The following C16orf74 variants were observed in gnomAD, a reference collection of about 807,000 sequenced individuals.
C16orf74 encodes the protein uncharacterized protein C16orf74.
Under a neutral mutation model 6.5 loss-of-function variants are expected in C16orf74, and 10 were observed. The ratio of observed to expected loss-of-function variants is 1.54; its 90% CI spans 0.95 to 2.61. C16orf74 has a LOEUF of 2.61. C16orf74 is among the 30% of genes most tolerant of loss of function. C16orf74 has a pLI of 0.00. For synonymous variants in C16orf74, 60 were observed against 42.5 expected (o/e 1.41, Z -1.60); for missense variants, 141 against 105.9 (o/e 1.33, Z -1.45).
chr16:85,725,075 A>T (rs2054120071), intron 2 of C16orf74, among the ~76,000 whole-genome samples: 1 of 148,038 alleles, frequency 6.8e-6, no homozygotes, highest in East Asian at 2.0e-4. Context: ...TGGGGGGGGG[A>T]CCGGCTAAGT....
chr16:85,735,309 C>G (rs541554395), intron 1 of C16orf74, 74 bp from the exon 2 acceptor site: 2 of 1,141,552 alleles, frequency 1.8e-6, no homozygotes, highest in African/African-American at 1.6e-5. Context: ...GCCGGGCCCC[C>G]ACCCTTGGCC....
At chr16:85,724,582 T>C (rs115479785) in intron 2 of C16orf74, among the ~76,000 whole-genome samples, 2 of 151,630 alleles carry the variant, frequency 1.3e-5, no homozygotes, top group Non-Finnish European at 2.9e-5. Flanking sequence ...GAGCTGAACC[T>C]GCCTGGTGAG....
At chr16:85,746,820 G>T (rs2054378722) in intron 1 of C16orf74, among the ~76,000 whole-genome samples, 1 of 152,200 alleles carries the variant, frequency 6.6e-6, no homozygotes, top group South Asian at 2.1e-4. Flanking sequence ...CACACATGGT[G>T]CTTTTCTTCC....
intron 3 of C16orf74, among the ~76,000 whole-genome samples, 177 bp from the exon 4 acceptor site, chr16:85,708,243 G>A (rs1272063876): frequency 2.6e-5 from 4 of 152,174 alleles, no homozygotes; most frequent in African/African-American, 9.7e-5. Flanking sequence ...TCGGACCCCG[G>A]AACTGCTTCA....
intron 2 of C16orf74, among the ~76,000 whole-genome samples, chr16:85,712,603 T>C (rs1313559044): frequency 6.6e-6 from 1 of 152,208 alleles, no homozygotes; most frequent in Non-Finnish European, 1.5e-5. Flanking sequence ...AGCCATGCCA[T>C]TCAGGCCAAA....
intron 1 of C16orf74, among the ~76,000 whole-genome samples, chr16:85,747,783 C>A (rs2152067470): frequency 6.6e-6 from 1 of 152,220 alleles, no homozygotes; most frequent in African/African-American, 2.4e-5. Context: ...TCAATCAGTA[C>A]ATACAAGATA....
chr16:85,725,429 A>C (rs567265), intron 2 of C16orf74, among the ~76,000 whole-genome samples: 46,555 of 152,120 alleles, frequency 0.31, 7,790 homozygotes, highest in Middle Eastern at 0.46. Flanking sequence ...ATCACCTAGG[A>C]GGCCTCCTAG....
In C16orf74 at chr16:85,742,098, C is replaced by T. The variant is rs118159029; in HGVS notation, c.-18-6863G>A. 4.5e-3 allele frequency among the ~76,000 whole-genome samples: 680 copies of T among 152,226 alleles called. 22 individuals carry two copies. In the East Asian group the frequency reaches 0.076, roughly 17 times the overall value. On this transcript the variant is annotated intron_variant, in intron 1 of 3. Transcript: ENST00000284245. Reference sequence around the variant, plus strand: ...GTTAAAAAGAAGCCTGGTGGCTGGGCGTGGTGGCTCACGCCTGTAATCCTA... The same window carrying T: ...GTTAAAAAGAAGCCTGGTGGCTGGGTGTGGTGGCTCACGCCTGTAATCCTA...
At position 85,719,948 on chromosome 16, in the gene C16orf74, G is replaced by C. The variant is rs182870542; in HGVS notation, c.29-9641C>G. Among the ~76,000 whole-genome samples, 1,050 of 151,794 alleles carry C rather than the reference G, an allele frequency of 6.9e-3. 18 individuals are homozygous for C. Among genetic ancestry groups the C allele is most frequent in the East Asian group, 0.045 (231 of 5,168 alleles). On this transcript the variant is annotated intron_variant, in intron 2 of 3. Transcript: ENST00000284245. ...ACAGAGGGGCCACAGGGGCTGAGCGGGGTGACACTAATCCCTCAGAGATGA... is the reference window on the plus strand; with the variant it reads ...ACAGAGGGGCCACAGGGGCTGAGCGCGGTGACACTAATCCCTCAGAGATGA...
At chr16:85,713,510 T>G (rs1320150930) in intron 2 of C16orf74, among the ~76,000 whole-genome samples, 2 of 152,180 alleles carry the variant, frequency 1.3e-5, no homozygotes, top group Non-Finnish European at 2.9e-5. Flanking sequence ...TGACCTCAGG[T>G]GATCTGCCCA....
intron 1 of C16orf74, among the ~76,000 whole-genome samples, chr16:85,746,565 G>C (rs967676014): frequency 2.6e-5 from 4 of 152,194 alleles, no homozygotes; most frequent in African/African-American, 9.7e-5. Context: ...TGGAGGTCCT[G>C]AGTCACGGTG....
In C16orf74 at chr16:85,710,173, C is replaced by T; in HGVS notation, c.163G>A (p.Gly55Arg). The T allele has an allele frequency of 6.9e-7, 1 of 1,457,378 alleles. No homozygotes were observed. Among genetic ancestry groups the T allele is most frequent in the African/African-American group, 1.5e-5 (1 of 67,120 alleles). The allele number at this position is 1,457,378 out of a possible 1,614,324, so 90.3% of individuals were successfully genotyped here. A position where few individuals can be genotyped will look rare whatever the true frequency, so the allele number is the denominator to read the frequency against. The change falls in exon 3 of 4, where the codon GGG becomes AGG. Residue 55 changes from glycine (G) to arginine (R), a missense_variant. By Grantham distance (125) the Gly-to-Arg change is moderately radical. Coordinates refer to ENST00000284245, the MANE Select transcript of C16orf74 (RefSeq NM_206967.3). ...GAGGGGACGGCCTCACCTGTGCTCC[C>T]CAAGTCCCTCGGCAGCATCATGCCC... ...PTGMMLPRDLGSTVWLDETGS... is the reference protein window; with the variant it reads ...PTGMMLPRDLRSTVWLDETGS...
intron 2 of C16orf74, among the ~76,000 whole-genome samples, chr16:85,724,248 G>T (rs1281584481): frequency 1.2e-4 from 19 of 152,140 alleles, no homozygotes; most frequent in Admixed American, 1.1e-3. Flanking sequence ...CGGTGGGACC[G>T]TGAGTCCCAG....
At chr16:85,740,691 CAAA>C (rs59658163) in intron 1 of C16orf74, among the ~76,000 whole-genome samples, 1 of 131,010 alleles carries the variant, frequency 7.6e-6, no homozygotes, top group African/African-American at 2.9e-5. Flanking sequence ...GACTCTGTTT[CAAA>C]AAAAAAAAAA....
At chr16:85,715,014 A>G (rs1307633785) in intron 2 of C16orf74, among the ~76,000 whole-genome samples, 14 of 151,408 alleles carry the variant, frequency 9.2e-5, no homozygotes, top group Non-Finnish European at 1.8e-4. Context: ...AAAATTAGGC[A>G]GGCACGGTGG....
intron 2 of C16orf74, among the ~76,000 whole-genome samples, chr16:85,724,873 T>C (rs977253695): frequency 1.3e-5 from 2 of 152,162 alleles, no homozygotes; most frequent in Non-Finnish European, 2.9e-5. Context: ...ACCTCACGGA[T>C]CCAGGAGTGT....
chr16:85,747,733 G>T (rs895201429), intron 1 of C16orf74, among the ~76,000 whole-genome samples: 2 of 152,114 alleles, frequency 1.3e-5, no homozygotes, highest in African/African-American at 4.8e-5. Context: ...AAGGTAGTTG[G>T]TCTACAGCTT....
At chr16:85,740,827 C>CAAAAAAAAAAA in intron 1 of C16orf74, among the ~76,000 whole-genome samples, 1 of 97,884 alleles carries the variant, frequency 1.0e-5, no homozygotes, top group Non-Finnish European at 1.8e-5. Flanking sequence ...GTGAGACCCT[C>CAAAAAAAAAAA]AAAAAAAAAA....
intron 2 of C16orf74, among the ~76,000 whole-genome samples, chr16:85,716,408 GGAGGGAGAA>G (rs2054024170): frequency 6.8e-6 from 1 of 146,330 alleles, no homozygotes; most frequent in South Asian, 2.3e-4. Context: ...GAGGAAGGGA[GGAGGGAGAA>G]GAGGGAGAGA....
Sources: allele counts gnomAD v4.1 joint callset (sites outside exome capture counted in the v4.1 genomes callset), GRCh38; gene constraint gnomAD v4.1.1; transcripts MANE v1.5; gene names NCBI Gene and HGNC (gene_info 2026-07-23, HGNC 2026-07-21).